The following BACH2 variants were observed in gnomAD, a reference collection of about 807,000 sequenced individuals.
BACH2 encodes transcription regulator protein BACH2.
BACH2 carries 5 observed loss-of-function variants against 61.8 expected under a neutral mutation model. That is an observed-to-expected ratio of 0.08 (90% CI 0.04 to 0.17). BACH2 has a LOEUF of 0.17. Among genes scored for constraint, BACH2 ranks in the 10% least tolerant of loss-of-function variants. BACH2 has a pLI of 1.00. For synonymous variants in BACH2, 446 were observed against 440.1 expected (o/e 1.01, Z -0.17); for missense variants, 824 against 1,091.1 (o/e 0.76, Z 3.45).
chr6:90,079,208 A>G (rs750068454), intron 5 of BACH2, among the ~76,000 whole-genome samples: 11 of 152,150 alleles, frequency 7.2e-5, no homozygotes, highest in Non-Finnish European at 1.5e-4. Flanking sequence ...TTACTTGGTT[A>G]ACTGTCCCTC....
chr6:90,295,462 G>C (rs886790330), intron 1 of BACH2, among the ~76,000 whole-genome samples: 1 of 152,036 alleles, frequency 6.6e-6, no homozygotes. Context: ...CTCTCCCCTC[G>C]TGGGCACCTA....
At chr6:90,283,309 TACCACTC>T (rs1473716231) in intron 1 of BACH2, among the ~76,000 whole-genome samples, 1 of 152,200 alleles carries the variant, frequency 6.6e-6, no homozygotes, top group African/African-American at 2.4e-5. Flanking sequence ...TCTCCATAGT[TACCACTC>T]AGTGAACAGA....
intron 4 of BACH2, among the ~76,000 whole-genome samples, chr6:90,114,226 C>A (rs1272430137): frequency 6.6e-6 from 1 of 152,028 alleles, no homozygotes; most frequent in Non-Finnish European, 1.5e-5. Flanking sequence ...AAGAAAACGT[C>A]AGGCCAATAT....
intron 1 of BACH2, among the ~76,000 whole-genome samples, chr6:90,294,593 T>A (rs1279159865): frequency 6.6e-6 from 1 of 152,104 alleles, no homozygotes; most frequent in Middle Eastern, 3.2e-3. Context: ...AATTTGGCAA[T>A]CTCTCTTACA....
At position 89,950,633 on chromosome 6, in the gene BACH2, T is replaced by C; in HGVS notation, c.1473A>G (p.Pro491=). ...AGCTGGTGTTGGGCCGCATCCTTCC[T>C]GGCAAGTGGTCGGCCATCAGCCCAC... The part of the protein sequence containing the change: ...SHGGLMADHL[P]GRMRPNTSCP... Residue 491 remains proline (P), a synonymous_variant, in exon 7 of 9, where the codon CCA becomes CCG. Transcript: ENST00000257749. The surrounding 1 kb of genome is among the most constrained non-coding windows in gnomAD (Gnocchi z 5.3). 4.3e-6 allele frequency: 7 copies of C among 1,614,086 alleles called. No homozygotes were observed. The highest frequency in any genetic ancestry group is 5.9e-6 in the Non-Finnish European group (7 of 1,179,992).
At chr6:90,108,450 A>C (rs1296607317) in intron 4 of BACH2, among the ~76,000 whole-genome samples, 1 of 152,188 alleles carries the variant, frequency 6.6e-6, no homozygotes, top group African/African-American at 2.4e-5. Flanking sequence ...GGAGAGGTCA[A>C]GAAGAATCTA....
chr6:90,235,924 C>G (rs545563474), intron 3 of BACH2, among the ~76,000 whole-genome samples: 11 of 152,364 alleles, frequency 7.2e-5, no homozygotes, highest in Admixed American at 2.0e-4. Context: ...ATTAATCTCT[C>G]ATAAATTTAA....
chr6:89,987,739 G>A (rs1776320596), intron 6 of BACH2, among the ~76,000 whole-genome samples: 1 of 151,898 alleles, frequency 6.6e-6, no homozygotes, highest in Admixed American at 6.6e-5. Flanking sequence ...GGCTGAAGAG[G>A]TACCTATGCC....
intron 4 of BACH2, among the ~76,000 whole-genome samples, chr6:90,099,252 T>C (rs959487644): frequency 6.6e-6 from 1 of 152,140 alleles, no homozygotes; most frequent in Non-Finnish European, 1.5e-5. Flanking sequence ...GGGCAGTGAA[T>C]TAGGAATAAG....
intron 4 of BACH2, among the ~76,000 whole-genome samples, chr6:90,192,463 T>C (rs2127845089): frequency 6.6e-6 from 1 of 152,306 alleles, no homozygotes. Flanking sequence ...TTCAAAATAA[T>C]GACTAACTTG....
intron 1 of BACH2, among the ~76,000 whole-genome samples, chr6:90,293,756 T>A (rs781672087): frequency 3.9e-5 from 6 of 152,242 alleles, no homozygotes; most frequent in Admixed American, 2.6e-4. Context: ...CTACCATCAC[T>A]GCAAAGTGCA....
At chr6:90,156,679 T>C (rs895013828) in intron 4 of BACH2, among the ~76,000 whole-genome samples, 3 of 152,134 alleles carry the variant, frequency 2.0e-5, no homozygotes, top group South Asian at 2.1e-4. Flanking sequence ...AGTTGTGTTA[T>C]ATTGAGCTGA....
chr6:90,099,187 G>A (rs1782511265), intron 4 of BACH2, among the ~76,000 whole-genome samples: 1 of 152,120 alleles, frequency 6.6e-6, no homozygotes, highest in South Asian at 2.1e-4. Flanking sequence ...TAAGTGGCAG[G>A]TCGTGCCACT....
chr6:90,114,655 T>C (rs1451234528), intron 4 of BACH2, among the ~76,000 whole-genome samples: 1 of 152,048 alleles, frequency 6.6e-6, no homozygotes, highest in Non-Finnish European at 1.5e-5. Context: ...AGCACTGGAA[T>C]TCCTAGCCAG....
chr6:90,040,945 C>T (rs1186704394), intron 5 of BACH2, among the ~76,000 whole-genome samples: 2 of 152,114 alleles, frequency 1.3e-5, no homozygotes, highest in South Asian at 4.1e-4. Context: ...GTTATTGTTA[C>T]CACCATCTTC....
chr6:89,932,158 C>T lies in BACH2; in HGVS notation c.*250G>A. Reference sequence around the variant, plus strand: ...ATCCCTGTGAAGACTGAAATTGAGCCACAGACAGACAGTGTCATCACTGCT... The same window carrying T: ...ATCCCTGTGAAGACTGAAATTGAGCTACAGACAGACAGTGTCATCACTGCT... On this transcript the variant is annotated 3_prime_UTR_variant, in exon 9 of 9. Coordinates refer to ENST00000257749, the MANE Select transcript of BACH2 (RefSeq NM_021813.4). 4.6e-6 allele frequency: 2 copies of T among 433,022 alleles called. No individual in the cohort carries two copies. The allele number at this position is 433,022 out of a possible 1,614,324, so 26.8% of individuals were successfully genotyped here.
At chr6:90,288,187 C>T (rs1480861110) in intron 1 of BACH2, among the ~76,000 whole-genome samples, 1 of 151,950 alleles carries the variant, frequency 6.6e-6, no homozygotes, top group African/African-American at 2.4e-5. Context: ...TATTCATTTG[C>T]ATAATATGGA....
At chr6:90,282,866 G>A (rs776098944) in intron 1 of BACH2, among the ~76,000 whole-genome samples, 20 of 152,072 alleles carry the variant, frequency 1.3e-4, no homozygotes, top group Non-Finnish European at 2.5e-4. Flanking sequence ...TTTCTTAGGT[G>A]TATACCTAGG....
intron 6 of BACH2, among the ~76,000 whole-genome samples, chr6:89,989,280 T>C (rs1428018353): frequency 6.6e-6 from 1 of 152,192 alleles, no homozygotes; most frequent in African/African-American, 2.4e-5. Context: ...TGAAAATCTA[T>C]ACCCATTAAA....
Sources: gnomAD v4.1 joint callset for allele counts (sites outside exome capture counted in the v4.1 genomes callset) on GRCh38, gnomAD v4.1.1 for gene constraint, Gnocchi (gnomAD v3.1) non-coding constraint, MANE v1.5 for transcripts, NCBI Gene and HGNC (gene_info 2026-07-23, HGNC 2026-07-21) for gene names.